ATP9A: variants seen among roughly 807,000 people sequenced by gnomAD.
ATP9A encodes probable phospholipid-transporting ATPase IIA.
Under a neutral mutation model 144.1 loss-of-function variants are expected in ATP9A, and 52 were observed. That is an observed-to-expected ratio of 0.36 (90% CI 0.29 to 0.45). The LOEUF is 0.45. ATP9A is among the 20% of genes least tolerant of loss of function. ATP9A has a pLI of 1.00. For missense variants in ATP9A, 947 were observed against 1,392.7 expected, an observed-to-expected ratio of 0.68 and a Z score of 5.09; for synonymous variants, 582 against 557.4, an observed-to-expected ratio of 1.04 and a Z score of -0.62.
chr20:51,672,789 G>C (rs1180011712), intron 11 of ATP9A, among the ~76,000 whole-genome samples: 1 of 152,052 alleles, frequency 6.6e-6, no homozygotes, highest in East Asian at 1.9e-4. Flanking sequence ...CAATATGGGG[G>C]AAAGTAGACT....
chr20:51,757,050 CTTGA>C (rs2077859682), intron 1 of ATP9A, among the ~76,000 whole-genome samples: 1 of 152,112 alleles, frequency 6.6e-6, no homozygotes, highest in Non-Finnish European at 1.5e-5. Flanking sequence ...TGGAGACATT[CTTGA>C]TTGTCACAAG....
At position 51,721,531 on chromosome 20, in the gene ATP9A, G is replaced by C. The variant is rs147387778; in HGVS notation, c.327+4288C>G. 5.2e-3 allele frequency among the ~76,000 whole-genome samples: 790 copies of C among 152,244 alleles called. 8 individuals carry two copies. Among genetic ancestry groups the C allele is most frequent in the Non-Finnish European group, 5.5e-3 (372 of 68,014 alleles). Reference sequence around the variant, plus strand: ...AAACAATTCTTGGGCCAGGCGCAGTGGCTCATGCTTGTAATCCCAGCACTT... The same window carrying C: ...AAACAATTCTTGGGCCAGGCGCAGTCGCTCATGCTTGTAATCCCAGCACTT... On this transcript the variant is annotated intron_variant, in intron 3 of 27. Coordinates refer to ENST00000338821, the MANE Select transcript of ATP9A (RefSeq NM_006045.3).
intron 14 of ATP9A, 150 bp from the exon 15 acceptor site, chr20:51,639,654 C>G: frequency 1.3e-6 from 1 of 788,814 alleles, no homozygotes; most frequent in East Asian, 2.8e-5. Context: ...CTGTGCTGGC[C>G]CATGACAGTG....
chr20:51,641,374 A>G (rs193045863), intron 14 of ATP9A, among the ~76,000 whole-genome samples: 21 of 151,994 alleles, frequency 1.4e-4, no homozygotes, highest in African/African-American at 4.8e-4. Context: ...AAAAATTATT[A>G]TTAGGGTGGG....
intron 2 of ATP9A, among the ~76,000 whole-genome samples, chr20:51,727,122 T>C (rs573166725): frequency 5.3e-4 from 79 of 150,368 alleles, no homozygotes; most frequent in African/African-American, 1.8e-3. Context: ...TGAAACCCCG[T>C]CTCTACAAAA....
At chr20:51,637,797 C>CACGAA (rs2077299140) in intron 15 of ATP9A, among the ~76,000 whole-genome samples, 2 of 151,000 alleles carry the variant, frequency 1.3e-5, no homozygotes, top group Non-Finnish European at 2.9e-5. Context: ...TTCGTGCACC[C>CACGAA]ATCACCTGAG....
At chr20:51,711,884 T>C (rs1166300644) in intron 4 of ATP9A, among the ~76,000 whole-genome samples, 2 of 146,570 alleles carry the variant, frequency 1.4e-5, no homozygotes, top group Non-Finnish European at 3.0e-5. Context: ...TGAGATGGAG[T>C]TTCCCTCGTC....
chr20:51,656,192 A>G (rs930163566), intron 14 of ATP9A, among the ~76,000 whole-genome samples: 5 of 149,462 alleles, frequency 3.3e-5, no homozygotes, highest in Non-Finnish European at 5.9e-5. Flanking sequence ...TGATAAAAAT[A>G]TCCTAATTTG....
chr20:51,720,375 T>TA (rs1352134639), intron 3 of ATP9A, among the ~76,000 whole-genome samples: 2 of 152,178 alleles, frequency 1.3e-5, no homozygotes, highest in Non-Finnish European at 2.9e-5. Flanking sequence ...AAAATGAAGT[T>TA]AGAGTATTTC....
At chr20:51,747,761 G>A (rs552039675) in intron 1 of ATP9A, among the ~76,000 whole-genome samples, 1 of 152,170 alleles carries the variant, frequency 6.6e-6, no homozygotes, top group East Asian at 1.9e-4. Flanking sequence ...ATAGAAGTAT[G>A]ACTCGTGTGT....
intron 14 of ATP9A, among the ~76,000 whole-genome samples, chr20:51,644,267 CTTTTTT>C (rs772071945): frequency 1.3e-5 from 1 of 76,000 alleles, no homozygotes; most frequent in Non-Finnish European, 2.6e-5. Context: ...TTACTTCTAG[CTTTTTT>C]TTTTTTTTTT....
intron 13 of ATP9A, among the ~76,000 whole-genome samples, chr20:51,666,498 T>C (rs6126288): frequency 0.49 from 75,010 of 151,644 alleles, 19,332 homozygotes; most frequent in East Asian, 0.8. Context: ...CAGGCCAACA[T>C]GGTGAAACCC....
chr20:51,719,109 CAG>C (rs1482059533), intron 3 of ATP9A, among the ~76,000 whole-genome samples: 1 of 150,276 alleles, frequency 6.7e-6, no homozygotes, highest in African/African-American at 2.5e-5. Flanking sequence ...GCCTGGGCGA[CAG>C]AGTGAGACTC....
At chr20:51,716,263 C>T (rs929122187) in intron 3 of ATP9A, among the ~76,000 whole-genome samples, 5 of 152,206 alleles carry the variant, frequency 3.3e-5, no homozygotes, top group Admixed American at 6.5e-5. Flanking sequence ...TCCTGAGTTA[C>T]TTCTCCCCTA....
intron 10 of ATP9A, among the ~76,000 whole-genome samples, chr20:51,674,925 A>C (rs2077470957): frequency 6.6e-6 from 1 of 152,044 alleles, no homozygotes. Flanking sequence ...CGATTCTCCT[A>C]CCTCAGCCTC....
At chr20:51,695,465 G>GC (rs1247777217) in intron 6 of ATP9A, among the ~76,000 whole-genome samples, 5 of 57,040 alleles carry the variant, frequency 8.8e-5, no homozygotes, top group African/African-American at 2.7e-4. Context: ...CCGGTCTCAA[G>GC]GAAAAAAAAA....
intron 13 of ATP9A, 59 bp downstream of exon 13, chr20:51,669,938 T>C (rs1301401433): frequency 1.0e-5 from 11 of 1,075,114 alleles, no homozygotes; most frequent in East Asian, 2.5e-5. Context: ...CATCTCAATA[T>C]AGCTGTTAAA....
In ATP9A at chr20:51,681,067, C is replaced by T. The variant is rs577367822; in HGVS notation, c.800-4859G>A. Among the ~76,000 whole-genome samples, 14 of 152,312 alleles carry T rather than the reference C, an allele frequency of 9.2e-5. 1 individual carries two copies. The highest frequency in any genetic ancestry group is 3.4e-4 in the African/African-American group (14 of 41,570). ...TGAAATATCTTTCTTCTTCAAGATG[C>T]CAATATGCCTTCCACTCTCCTCCTC... is the stretch of plus-strand genomic sequence containing the variant. On this transcript the variant is annotated intron_variant, in intron 9 of 27. Coordinates refer to ENST00000338821, the MANE Select transcript of ATP9A (RefSeq NM_006045.3).
chr20:51,666,305 A>C lies in ATP9A; in HGVS notation c.1293+3692T>G, dbSNP rs1229750171. Among the ~76,000 whole-genome samples, 3 of 152,170 alleles carry C rather than the reference A, an allele frequency of 2.0e-5. No individual in the cohort carries two copies. In the East Asian group the frequency reaches 5.8e-4, roughly 29 times the overall value. On this transcript the variant is annotated intron_variant, in intron 13 of 27. Coordinates refer to ENST00000338821, the MANE Select transcript of ATP9A (RefSeq NM_006045.3). ...CTGGAAACACCTGGTTCACCTGTTA[A>C]AACTGCAGGTCTGGGCACCACTCCT...
Sources: allele counts gnomAD v4.1 joint callset (sites outside exome capture counted in the v4.1 genomes callset), GRCh38; gene constraint gnomAD v4.1.1; transcripts MANE v1.5; gene names NCBI Gene and HGNC (gene_info 2026-07-23, HGNC 2026-07-21).